The following SETD1B variants were observed in gnomAD, a reference collection of about 807,000 sequenced individuals.
SETD1B encodes histone-lysine N-methyltransferase SETD1B.
In SETD1B, 7 loss-of-function variants were observed where a neutral mutation model predicts 148.0. That is an observed-to-expected ratio of 0.05 (90% confidence interval 0.03 to 0.09). The LOEUF is 0.09. SETD1B is among the 10% of genes least tolerant of loss of function. SETD1B has a pLI of 1.00. For synonymous variants in SETD1B, 1,361 were observed against 1,186.5 expected, an observed-to-expected ratio of 1.15 and a Z score of -3.02; for missense variants, 2,155 against 2,729.9, an observed-to-expected ratio of 0.79 and a Z score of 4.69.
chr12:121,810,094 A>G lies in SETD1B; in HGVS notation c.1149A>G (p.Pro383=). 1 of 1,549,052 alleles carries G rather than the reference A, an allele frequency of 6.5e-7. No individual in the cohort carries two copies. The highest frequency in any genetic ancestry group is 8.7e-7 in the Non-Finnish European group (1 of 1,146,710). ...QDSATFAHTP[P]PAQATPAPGF... is the part of the protein sequence containing the mutation. ...CAGCCACATTTGCCCACACTCCACC[A>G]CCCGCCCAAGCAACCCCTGCTCCTG... The change falls in exon 6 of 17, where the codon CCA becomes CCG. Residue 383 remains proline (P), a synonymous_variant. Coordinates refer to ENST00000604567, the MANE Select transcript of SETD1B (RefSeq NM_001353345.2). This position sits in a 1 kb window ranked among gnomAD's most constrained non-coding sequence, Gnocchi z 7.6.
Position 121,810,314 on chromosome 12 carries a change from C to A in SETD1B, c.1369C>A (p.Pro457Thr). ...KPGTPPGPPP[P>T]DTNSMELGGR... ...AGGCACGCCACCCGGCCCGCCGCCC[C>A]CCGACACCAACAGCATGGAGCTGGG... is the stretch of plus-strand genomic sequence containing the variant. Residue 457 changes from proline to threonine, a missense_variant, in exon 6 of 17, where the codon CCC becomes ACC. Coordinates refer to ENST00000604567, the MANE Select transcript of SETD1B (RefSeq NM_001353345.2). The surrounding 1 kb of genome is among the most constrained non-coding windows in gnomAD (Gnocchi z 7.6). 1 of 1,544,020 alleles carries A rather than the reference C, an allele frequency of 6.5e-7. No homozygotes were observed. The highest frequency in any genetic ancestry group is 1.7e-4 in the Middle Eastern group (1 of 5,988).
chr12:121,812,458 C>A lies in SETD1B; in HGVS notation c.1890+1623C>A, dbSNP rs184196453. Among the ~76,000 whole-genome samples the A allele has an allele frequency of 1.5e-4, 22 of 144,658 alleles. No homozygotes were observed. In the East Asian group the frequency reaches 2.7e-3, roughly 18 times the overall value. The allele number at this position is 144,658 out of a possible 152,430, so 94.9% of individuals were successfully genotyped here. On this transcript the variant is annotated intron_variant, in intron 6 of 16. Transcript: ENST00000604567. ...ACAGGACCTCAGCTTAAGTGAGGTG[C>A]CGCACAGGATGCTCCCGGCACCGCC...
intron 10 of SETD1B, among the ~76,000 whole-genome samples, chr12:121,818,665 T>A (rs1163730268): frequency 6.6e-6 from 1 of 151,752 alleles, no homozygotes; most frequent in Non-Finnish European, 1.5e-5. Context: ...CCAAGGCAAG[T>A]GGATCACGAG....
chr12:121,793,143 C>T, the SETD1B span: 1 of 1,548,834 alleles, frequency 6.5e-7, no homozygotes, highest in Non-Finnish European at 8.7e-7. Context: ...GGCGCGCAGG[C>T]GCACTCACCG....
At chr12:121,792,291 A>C in the SETD1B span, among the ~76,000 whole-genome samples, 1 of 152,332 alleles carries the variant, frequency 6.6e-6, no homozygotes, top group East Asian at 1.9e-4. Flanking sequence ...TGAGTCACAG[A>C]GGTGGGGTGA....
rs1875681687 is a variant in SETD1B, at chr12:121,805,380, C to T, written c.273+164C>T. Among the ~76,000 whole-genome samples, 1 of 152,162 alleles carries T rather than the reference C, an allele frequency of 6.6e-6. No homozygotes were observed. Among genetic ancestry groups the T allele is most frequent in the African/African-American group, 2.4e-5 (1 of 41,432 alleles). ...GCGCTGGCGAGAGGGTGTCCCCTCT[C>T]AGCTACTGAAAACAAAATAACACTG... On this transcript the variant is annotated intron_variant, in intron 3 of 16. Coordinates refer to ENST00000604567, the MANE Select transcript of SETD1B (RefSeq NM_001353345.2). This position sits in a 1 kb window ranked among gnomAD's most constrained non-coding sequence, Gnocchi z 4.2.
At position 121,808,595 on chromosome 12, in the gene SETD1B, T is replaced by C. The variant is rs1261138417; in HGVS notation, c.657+275T>C. Reference sequence around the variant, plus strand: ...CTCCCCTCCCCAGCACAGGCTGTGATTCCCACAGACCCAGAGCCTGCCCTG... The same window carrying C: ...CTCCCCTCCCCAGCACAGGCTGTGACTCCCACAGACCCAGAGCCTGCCCTG... On this transcript the variant is annotated intron_variant, in intron 5 of 16. Coordinates refer to ENST00000604567, the MANE Select transcript of SETD1B (RefSeq NM_001353345.2). The surrounding 1 kb of genome is among the most constrained non-coding windows in gnomAD (Gnocchi z 5.3). Among the ~76,000 whole-genome samples, 1 of 152,248 alleles carries C rather than the reference T, an allele frequency of 6.6e-6. No individual in the cohort carries two copies. The highest frequency in any genetic ancestry group is 1.9e-4 in the East Asian group (1 of 5,198).
chr12:121,817,294 G>A lies in SETD1B; in HGVS notation c.2977G>A (p.Glu993Lys). ...GACCTCTGTGGATGAGGAAGATGAA[G>A]GTTCGTGCTCTGGGTGCTGGGGTCC... ...PSTSVDEEDE[E>K]SERERDRDMA... Residue 993 changes from glutamate to lysine, a missense_variant and splice_region_variant, in exon 8 of 17, where the codon GAG becomes AAG. By Grantham distance (56) the Glu-to-Lys change is moderately conservative (BLOSUM62 1). Transcript: ENST00000604567. This position sits in a 1 kb window ranked among gnomAD's most constrained non-coding sequence, Gnocchi z 8.1. The A allele has an allele frequency of 6.5e-7, 1 of 1,549,904 alleles. No homozygotes were observed. The highest frequency in any genetic ancestry group is 8.7e-7 in the Non-Finnish European group (1 of 1,146,268).
In SETD1B at chr12:121,823,334, C is replaced by CCCGGGGGG; in HGVS notation, c.4756_4757insCGGGGGGC (p.Leu1586ProfsTer17). ...CGGGGATCCCAGCCCCTCCACCACCCCTTCCCCCCCAGCCACCCCCACCCC... is the reference window on the plus strand; with the variant it reads ...CGGGGATCCCAGCCCCTCCACCACCCCCGGGGGGCTTCCCCCCCAGCCACCCCCACCCC... On this transcript the variant is annotated frameshift_variant, in exon 12 of 17. Coordinates refer to ENST00000604567, the MANE Select transcript of SETD1B (RefSeq NM_001353345.2). LOFTEE classifies it high-confidence loss of function. The CCCGGGGGG allele has an allele frequency of 7.0e-7, 1 of 1,435,398 alleles. No homozygotes were observed. Among genetic ancestry groups the CCCGGGGGG allele is most frequent in the Non-Finnish European group, 9.5e-7 (1 of 1,052,192 alleles). The allele number at this position is 1,435,398 out of a possible 1,614,324, so 88.9% of individuals were successfully genotyped here. A position where few individuals can be genotyped will look rare whatever the true frequency, so the allele number is the denominator to read the frequency against.
In SETD1B at chr12:121,809,758, G is replaced by A; in HGVS notation, c.813G>A (p.Gln271=). 6.4e-7 allele frequency: 1 copy of A among 1,551,502 alleles called. No individual in the cohort carries two copies. Among genetic ancestry groups the A allele is most frequent in the Non-Finnish European group, 8.7e-7 (1 of 1,146,978 alleles). The change falls in exon 6 of 17, where the codon CAG becomes CAA. Residue 271 remains glutamine (Q), a synonymous_variant. Coordinates refer to ENST00000604567, the MANE Select transcript of SETD1B (RefSeq NM_001353345.2). ...CRLDTPNSYG[Q]GTPLTPRLGT... is the part of the protein sequence containing the mutation. Reference sequence around the variant, plus strand: ...TGGACACACCCAACTCCTATGGACAGGGCACCCCGCTCACACCGCGCCTGG... The same window carrying A: ...TGGACACACCCAACTCCTATGGACAAGGCACCCCGCTCACACCGCGCCTGG...
In SETD1B at chr12:121,810,748, G is replaced by A. The variant is rs536807273; in HGVS notation, c.1803G>A (p.Pro601=). ...GPRPPPEPGP[P]DPAGLLSQTA... ...GGCCTCCACCTGAGCCAGGCCCCCC[G>A]GACCCTGCTGGGCTTCTGAGCCAGA... is the stretch of plus-strand genomic sequence containing the variant. The change falls in exon 6 of 17, where the codon CCG becomes CCA. Residue 601 remains proline, a synonymous_variant. Coordinates refer to ENST00000604567, the MANE Select transcript of SETD1B (RefSeq NM_001353345.2). This position sits in a 1 kb window ranked among gnomAD's most constrained non-coding sequence, Gnocchi z 7.6. The A allele has an allele frequency of 6.3e-5, 98 of 1,550,598 alleles. No homozygotes were observed. In the South Asian group the frequency reaches 9.6e-4, roughly 15 times the overall value.
rs761463054 is a variant in SETD1B, at chr12:121,828,116, G to A, written c.5727+46G>A. On this transcript the variant is annotated intron_variant, in intron 16 of 16. Transcript: ENST00000604567. ...GGCCCCTGCCCCTGCTCCTGCCCCT[G>A]GCCCTGCTTCTGTGCCAGGAGGGCC... is the stretch of plus-strand genomic sequence containing the variant. 26 of 1,543,868 alleles carry A rather than the reference G, an allele frequency of 1.7e-5. 1 individual carries two copies. The South Asian group carries it at 3.1e-4, about 19-fold the overall frequency.
At chr12:121,793,509 C>T in the SETD1B span, 3 of 1,542,752 alleles carry the variant, frequency 1.9e-6, no homozygotes, top group Non-Finnish European at 1.7e-6. Context: ...GGGGAAGGAG[C>T]CCTGGCTGTA....
chr12:121,799,717 T>TGGGGGGGGGGGGGGGGGGGGGGGGGGGG (rs1456064145), upstream of SETD1B: 1 of 19,138 alleles, frequency 5.2e-5, no homozygotes. Context: ...CGCTCGCAGC[T>TGGGGGGGGGGGGGGGGGGGGGGGGGGGG]GGGGGGGGGG....
intron 10 of SETD1B, among the ~76,000 whole-genome samples, chr12:121,818,631 C>T (rs920934214): frequency 1.2e-4 from 18 of 152,106 alleles, no homozygotes; most frequent in African/African-American, 4.1e-4. Context: ...TGGCTCACGC[C>T]TGTAATCCCA....
In SETD1B at chr12:121,808,850, G is replaced by A. The variant is rs902514938; in HGVS notation, c.657+530G>A. Among the ~76,000 whole-genome samples the A allele has an allele frequency of 3.3e-5, 5 of 152,184 alleles. No individual in the cohort carries two copies. Reference sequence around the variant, plus strand: ...GCATCAGGCTGACTAGCTGCCACTGGCCTGTTCATCACTTTTTTTTTGTTT... The same window carrying A: ...GCATCAGGCTGACTAGCTGCCACTGACCTGTTCATCACTTTTTTTTTGTTT... On this transcript the variant is annotated intron_variant, in intron 5 of 16. Transcript: ENST00000604567. This position sits in a 1 kb window ranked among gnomAD's most constrained non-coding sequence, Gnocchi z 5.3.
chr12:121,824,394 C>T (rs1350624205), intron 12 of SETD1B, among the ~76,000 whole-genome samples: 1 of 152,220 alleles, frequency 6.6e-6, no homozygotes, highest in African/African-American at 2.4e-5. Context: ...CAGCTGTAAT[C>T]CCAGCACTAT....
At chr12:121,798,906 T>C in the SETD1B span, among the ~76,000 whole-genome samples, 1 of 152,148 alleles carries the variant, frequency 6.6e-6, no homozygotes, top group Admixed American at 6.5e-5. Flanking sequence ...TAGAATGAAA[T>C]CAATTACTAT....
rs930918733 is a variant in SETD1B at position 121,815,901 on chromosome 12, C to T, written c.2715+971C>T. ...GGAGTGCAATGGCGTGATCTCAGCC[C>T]TCTGCAGCCTCCACCTCCTGGGTTC... On this transcript the variant is annotated intron_variant, in intron 7 of 16. Transcript: ENST00000604567. Among the ~76,000 whole-genome samples the T allele has an allele frequency of 6.6e-5, 10 of 150,798 alleles. No homozygotes were observed. In the East Asian group the frequency reaches 1.6e-3, roughly 23 times the overall value.
Sources: allele counts gnomAD v4.1 joint callset (sites outside exome capture counted in the v4.1 genomes callset), GRCh38; gene constraint gnomAD v4.1.1; non-coding constraint Gnocchi (gnomAD v3.1); transcripts MANE v1.5; gene names NCBI Gene and HGNC (gene_info 2026-07-23, HGNC 2026-07-21).